The following GRM1 variants were observed in gnomAD, a reference collection of about 807,000 sequenced individuals.
The protein encoded by GRM1 is glutamate metabotropic receptor 1, also known as metabotropic glutamate receptor 1.
Under a neutral mutation model 90.9 loss-of-function variants are expected in GRM1, and 33 were observed. The ratio of observed to expected loss-of-function variants is 0.36; its 90% confidence interval spans 0.28 to 0.49. The LOEUF is 0.49. GRM1 is among the 20% of genes least tolerant of loss of function. The pLI, the probability that GRM1 is intolerant of heterozygous loss-of-function variation, is 0.99. For missense variants in GRM1, 1,190 were observed against 1,534.3 expected (o/e 0.78, Z 3.75); for synonymous variants, 700 against 613.2 (o/e 1.14, Z -2.09).
At chr6:146,303,183 T>C (rs567378129) in intron 2 of GRM1, among the ~76,000 whole-genome samples, 1 of 152,264 alleles carries the variant, frequency 6.6e-6, no homozygotes, top group African/African-American at 2.4e-5. Flanking sequence ...TCAATTGATC[T>C]CAGGTAACCA....
At chr6:146,050,893 T>C (rs533820554) in intron 1 of GRM1, among the ~76,000 whole-genome samples, 1 of 152,186 alleles carries the variant, frequency 6.6e-6, no homozygotes, top group South Asian at 2.1e-4. Flanking sequence ...GAACCTGTGA[T>C]CCAGTGAGGA....
At chr6:146,307,274 C>T (rs1234564917) in intron 3 of GRM1, among the ~76,000 whole-genome samples, 1 of 152,118 alleles carries the variant, frequency 6.6e-6, no homozygotes, top group East Asian at 1.9e-4. Flanking sequence ...CTTTATGAAA[C>T]ATGTTTATAT....
intron 2 of GRM1, among the ~76,000 whole-genome samples, chr6:146,234,051 T>C (rs900150919): frequency 6.6e-6 from 1 of 152,104 alleles, no homozygotes; most frequent in Non-Finnish European, 1.5e-5. Flanking sequence ...TTATGTAATA[T>C]TTTATATTTC....
At chr6:146,389,244 A>G (rs1776626218) in intron 6 of GRM1, among the ~76,000 whole-genome samples, 1 of 152,046 alleles carries the variant, frequency 6.6e-6, no homozygotes, top group Admixed American at 6.6e-5. Flanking sequence ...TGACCTCTTT[A>G]TGAGGTTAAT....
At chr6:146,357,342 A>G (rs1036519225) in intron 4 of GRM1, among the ~76,000 whole-genome samples, 184 bp from the exon 5 acceptor site, 2 of 152,240 alleles carry the variant, frequency 1.3e-5, no homozygotes, top group Non-Finnish European at 2.9e-5. Flanking sequence ...CAGAGATTGA[A>G]GAATGGAATA....
intron 1 of GRM1, among the ~76,000 whole-genome samples, chr6:146,043,794 T>TATATATATATATATATATATAG (rs1287614890): frequency 2.9e-5 from 4 of 136,842 alleles, no homozygotes; most frequent in East Asian, 2.1e-4. Flanking sequence ...TATATATATA[T>TATATATATATATATATATATAG]ATATATATAT....
At chr6:146,125,083 T>C (rs903904930) in intron 1 of GRM1, among the ~76,000 whole-genome samples, 1 of 152,148 alleles carries the variant, frequency 6.6e-6, no homozygotes. Context: ...AGATCAAGAA[T>C]GACCCAGGCT....
intron 1 of GRM1, among the ~76,000 whole-genome samples, chr6:146,032,894 G>A (rs1790757319): frequency 6.6e-6 from 1 of 152,016 alleles, no homozygotes; most frequent in South Asian, 2.1e-4. Flanking sequence ...GTTTTTGAAT[G>A]GTACAGTTGT....
intron 2 of GRM1, among the ~76,000 whole-genome samples, chr6:146,272,750 T>G (rs1782214529): frequency 6.6e-6 from 1 of 152,168 alleles, no homozygotes; most frequent in African/African-American, 2.4e-5. Flanking sequence ...CAAAAAAGAA[T>G]AGATAATTTT....
At chr6:146,120,437 C>G (rs1427528668) in intron 1 of GRM1, among the ~76,000 whole-genome samples, 1 of 152,098 alleles carries the variant, frequency 6.6e-6, no homozygotes, top group Non-Finnish European at 1.5e-5. Flanking sequence ...ATTTCTTTCT[C>G]CTGCCTGATT....
intron 1 of GRM1, among the ~76,000 whole-genome samples, chr6:146,081,568 G>A (rs1582974743): frequency 6.6e-6 from 1 of 152,174 alleles, no homozygotes; most frequent in Non-Finnish European, 1.5e-5. Context: ...GAATGGCTTG[G>A]AGCAGCCCGT....
intron 7 of GRM1, among the ~76,000 whole-genome samples, chr6:146,433,085 G>T (rs1778471474): frequency 1.3e-5 from 2 of 152,054 alleles, no homozygotes; most frequent in South Asian, 4.2e-4. Flanking sequence ...ATTTTTCCTG[G>T]CTTCCTCATT....
chr6:146,226,098 A>G (rs1279538932), intron 2 of GRM1, among the ~76,000 whole-genome samples: 2 of 152,170 alleles, frequency 1.3e-5, no homozygotes, highest in African/African-American at 4.8e-5. Flanking sequence ...CGATCAGTAA[A>G]GCCATTTCCT....
intron 1 of GRM1, among the ~76,000 whole-genome samples, chr6:146,100,591 T>G (rs571224497): frequency 1.3e-5 from 2 of 152,184 alleles, no homozygotes; most frequent in African/African-American, 4.8e-5. Flanking sequence ...TAAAATATAT[T>G]TCTTTGGTCT....
intron 3 of GRM1, among the ~76,000 whole-genome samples, chr6:146,325,183 T>C (rs1784361478): frequency 6.6e-6 from 1 of 152,140 alleles, no homozygotes; most frequent in Admixed American, 6.6e-5. Context: ...GAAGTCTTCT[T>C]CTCTGTTTAA....
At chr6:146,066,745 A>T (rs1206134418) in intron 1 of GRM1, among the ~76,000 whole-genome samples, 5 of 149,872 alleles carry the variant, frequency 3.3e-5, no homozygotes, top group African/African-American at 1.2e-4. Context: ...AACAGGTTTT[A>T]CATAATAATA....
Position 146,281,333 on chromosome 6 carries a change from T to C in GRM1, c.951-23278T>C, listed in dbSNP as rs1259270713. ...AGTTGTAAGATTTTGGTACATTACTTAGCACATTTGATCACAGCATTCTAA... is the reference window on the plus strand; with the variant it reads ...AGTTGTAAGATTTTGGTACATTACTCAGCACATTTGATCACAGCATTCTAA... On this transcript the variant is annotated intron_variant, in intron 2 of 7. Transcript: ENST00000282753. 3.3e-5 allele frequency among the ~76,000 whole-genome samples: 5 copies of C among 152,176 alleles called. No homozygotes were observed. In the East Asian group the frequency reaches 5.8e-4, roughly 18 times the overall value.
At chr6:146,126,571 T>C (rs1161665427) in intron 1 of GRM1, among the ~76,000 whole-genome samples, 4 of 152,178 alleles carry the variant, frequency 2.6e-5, no homozygotes, top group African/African-American at 9.6e-5. Context: ...TAAATCGATC[T>C]ATTACAGACA....
intron 2 of GRM1, among the ~76,000 whole-genome samples, chr6:146,165,092 C>T (rs1226327698): frequency 1.3e-5 from 2 of 152,090 alleles, no homozygotes; most frequent in African/African-American, 4.8e-5. Flanking sequence ...TTAGCTAAAA[C>T]TTGATCCAAG....
Sources: gnomAD v4.1 joint callset for allele counts (sites outside exome capture counted in the v4.1 genomes callset) on GRCh38, gnomAD v4.1.1 for gene constraint, MANE v1.5 for transcripts, NCBI Gene and HGNC (gene_info 2026-07-23, HGNC 2026-07-21) for gene names.